Variants in CHST11 observed in about 807,000 individuals in gnomAD.
CHST11 encodes the protein carbohydrate sulfotransferase 11.
Under a neutral mutation model 30.4 loss-of-function variants are expected in CHST11, and 9 were observed. That is an observed-to-expected ratio of 0.30 (90% CI 0.18 to 0.52). The LOEUF (loss-of-function observed/expected upper bound fraction) is 0.52. Among genes scored for constraint, CHST11 ranks in the 20% least tolerant of loss-of-function variants. CHST11 has a pLI of 0.97. For missense variants in CHST11, 348 were observed against 460.6 expected (o/e 0.76, Z 2.24); for synonymous variants, 152 against 187.8 (o/e 0.81, Z 1.56).
At chr12:104,733,016 G>C (rs900181448) in intron 2 of CHST11, among the ~76,000 whole-genome samples, 2 of 152,358 alleles carry the variant, frequency 1.3e-5, no homozygotes, top group East Asian at 1.9e-4. Flanking sequence ...CCCTTGTGTA[G>C]TAGGTATGAC....
chr12:104,480,445 G>A (rs538167562), intron 1 of CHST11, among the ~76,000 whole-genome samples: 1 of 152,074 alleles, frequency 6.6e-6, no homozygotes, highest in Non-Finnish European at 1.5e-5. Context: ...GGGCATGGTG[G>A]CGGGTGCCTG....
At chr12:104,467,257 T>C (rs1304141353) in intron 1 of CHST11, among the ~76,000 whole-genome samples, 1 of 152,240 alleles carries the variant, frequency 6.6e-6, no homozygotes, top group Non-Finnish European at 1.5e-5. Context: ...TGGAGTTGTT[T>C]GTGGCCATTT....
chr12:104,660,302 G>A (rs1054039079), intron 2 of CHST11, among the ~76,000 whole-genome samples: 3 of 152,202 alleles, frequency 2.0e-5, no homozygotes, highest in Non-Finnish European at 4.4e-5. Flanking sequence ...CAAAGCTCAG[G>A]GAAAGGGCTA....
rs575171085 is a variant in CHST11, at chr12:104,690,076, G to A, written c.205-66873G>A. On this transcript the variant is annotated intron_variant, in intron 2 of 2. Coordinates refer to ENST00000303694, the MANE Select transcript of CHST11 (RefSeq NM_018413.6). ...TCAGGTGGGCTCACACTCTTGTGAC[G>A]AAGGTGAAGATTTAAAAATAATTTA... is the stretch of plus-strand genomic sequence containing the variant. Among the ~76,000 whole-genome samples the A allele has an allele frequency of 3.0e-4, 46 of 152,340 alleles. 1 individual carries two copies. Among genetic ancestry groups the A allele is most frequent in the Admixed American group, 1.0e-3 (16 of 15,308 alleles).
intron 1 of CHST11, among the ~76,000 whole-genome samples, chr12:104,556,749 G>C (rs137957915): frequency 2.6e-5 from 4 of 152,274 alleles, no homozygotes; most frequent in Admixed American, 2.0e-4. Flanking sequence ...GGGAGGCCAA[G>C]GTGGGCGGAT....
At chr12:104,537,449 G>T (rs914122650) in intron 1 of CHST11, among the ~76,000 whole-genome samples, 4 of 152,188 alleles carry the variant, frequency 2.6e-5, no homozygotes, top group African/African-American at 9.7e-5. Context: ...ACTTGGGTTG[G>T]AATCTTGGCC....
chr12:104,570,586 G>T (rs1433306749), intron 1 of CHST11, among the ~76,000 whole-genome samples: 3 of 152,012 alleles, frequency 2.0e-5, no homozygotes, highest in Non-Finnish European at 4.4e-5. Flanking sequence ...TACAGAAGTG[G>T]ATACACAAGA....
intron 2 of CHST11, among the ~76,000 whole-genome samples, chr12:104,714,710 G>A (rs558147621): frequency 4.4e-4 from 67 of 152,258 alleles, no homozygotes; most frequent in South Asian, 1.5e-3. Context: ...ACAGCCCAGC[G>A]TAGTGTAGGA....
At chr12:104,464,115 T>G (rs928253874) in intron 1 of CHST11, among the ~76,000 whole-genome samples, 8 of 150,382 alleles carry the variant, frequency 5.3e-5, no homozygotes, top group African/African-American at 2.0e-4. Context: ...TCACCTAGGC[T>G]GGAGTGCAGT....
At chr12:104,457,702 G>A (rs557363406) in intron 1 of CHST11, among the ~76,000 whole-genome samples, 173 bp downstream of exon 1, 1 of 152,262 alleles carries the variant, frequency 6.6e-6, no homozygotes, top group South Asian at 2.1e-4. Context: ...ACCGCGTCGG[G>A]ATGGGGAGGA....
intron 2 of CHST11, among the ~76,000 whole-genome samples, chr12:104,716,546 G>C (rs1452641722): frequency 6.6e-6 from 1 of 152,230 alleles, no homozygotes; most frequent in Non-Finnish European, 1.5e-5. Context: ...TCGTAAATTA[G>C]TGTCCACTTT....
At chr12:104,667,419 A>G (rs2039651860) in intron 2 of CHST11, among the ~76,000 whole-genome samples, 1 of 152,194 alleles carries the variant, frequency 6.6e-6, no homozygotes, top group Non-Finnish European at 1.5e-5. Context: ...GGCTCCAGAT[A>G]AATGTCATTG....
intron 2 of CHST11, among the ~76,000 whole-genome samples, chr12:104,630,146 A>G (rs960435581): frequency 4.6e-5 from 7 of 152,166 alleles, no homozygotes; most frequent in African/African-American, 1.7e-4. Context: ...GCTGTGTAAT[A>G]TAACATAACC....
intron 2 of CHST11, among the ~76,000 whole-genome samples, chr12:104,677,651 G>C (rs1293757849): frequency 6.6e-6 from 1 of 152,260 alleles, no homozygotes; most frequent in Admixed American, 6.5e-5. Context: ...AGAGCAGAGA[G>C]AGAGAGGTAG....
At chr12:104,653,251 T>C (rs184643375) in intron 2 of CHST11, among the ~76,000 whole-genome samples, 1 of 152,340 alleles carries the variant, frequency 6.6e-6, no homozygotes, top group Admixed American at 6.5e-5. Flanking sequence ...ATAGTATCTG[T>C]CCTTTTGTGA....
intron 1 of CHST11, among the ~76,000 whole-genome samples, chr12:104,578,175 C>T (rs1380464294): frequency 6.6e-6 from 1 of 152,144 alleles, no homozygotes; most frequent in African/African-American, 2.4e-5. Context: ...GACCCAGCAA[C>T]AGGGGGTGGT....
At chr12:104,491,268 C>G (rs2037742603) in intron 1 of CHST11, among the ~76,000 whole-genome samples, 1 of 152,126 alleles carries the variant, frequency 6.6e-6, no homozygotes, top group African/African-American at 2.4e-5. Flanking sequence ...ATACTCATCT[C>G]ATTTGATCTG....
At position 104,479,340 on chromosome 12, in the gene CHST11, A is replaced by G. The variant is rs537162001; in HGVS notation, c.118+21811A>G. Among the ~76,000 whole-genome samples the G allele has an allele frequency of 4.4e-4, 67 of 152,196 alleles. No individual in the cohort carries two copies. In the East Asian group the frequency reaches 0.013, roughly 29 times the overall value. On this transcript the variant is annotated intron_variant, in intron 1 of 2. Transcript: ENST00000303694. ...TTCAGCAGTCCCAGTAGAAAGAGAGAGTACTTCTTTTTTCCAGCAGTTTCC... is the reference window on the plus strand; with the variant it reads ...TTCAGCAGTCCCAGTAGAAAGAGAGGGTACTTCTTTTTTCCAGCAGTTTCC...
At chr12:104,544,770 C>CCCCCCCCGCCT (rs1388037754) in intron 1 of CHST11, among the ~76,000 whole-genome samples, 1 of 102,014 alleles carries the variant, frequency 9.8e-6, no homozygotes, top group African/African-American at 3.2e-5. Flanking sequence ...GGGTCACAGT[C>CCCCCCCCGCCT]CCCCCACCCC....
Sources: gnomAD v4.1 joint callset for allele counts (sites outside exome capture counted in the v4.1 genomes callset) on GRCh38, gnomAD v4.1.1 for gene constraint, MANE v1.5 for transcripts, NCBI Gene and HGNC (gene_info 2026-07-23, HGNC 2026-07-21) for gene names.